PLBD2: variants seen among roughly 807,000 people sequenced by gnomAD.
PLBD2 encodes putative aminopeptidase PLBD2.
PLBD2 carries 51 observed loss-of-function variants against 68.3 expected under a neutral mutation model. The ratio of observed to expected loss-of-function variants is 0.75; its 90% CI spans 0.60 to 0.94. The LOEUF (loss-of-function observed/expected upper bound fraction) is 0.94, where lower values mean the gene tolerates loss of function less well. Ranked by LOEUF, PLBD2 falls within the 40% of genes least tolerant of loss-of-function variation. The pLI is 0.00. For synonymous variants in PLBD2, 314 were observed against 339.3 expected, an observed-to-expected ratio of 0.93 and a Z score of 0.82; for missense variants, 729 against 792.2, an observed-to-expected ratio of 0.92 and a Z score of 0.96.
At chr12:113,382,767 A>G (rs1957503435) in intron 6 of PLBD2, among the ~76,000 whole-genome samples, 2 of 149,510 alleles carry the variant, frequency 1.3e-5, no homozygotes, top group Non-Finnish European at 3.0e-5. Flanking sequence ...AAAAAATCAC[A>G]TTTATGGATA....
chr12:113,388,315 C>T (rs1222797404), intron 11 of PLBD2, 144 bp from the exon 12 acceptor site: 2 of 801,252 alleles, frequency 2.5e-6, no homozygotes, highest in Non-Finnish European at 3.7e-6. Flanking sequence ...GCACTCCAAC[C>T]TGGGTGACAG....
At chr12:113,364,086 G>A (rs901054902) in intron 1 of PLBD2, among the ~76,000 whole-genome samples, 2 of 152,234 alleles carry the variant, frequency 1.3e-5, no homozygotes, top group Admixed American at 6.5e-5. Context: ...GGGAAGGCCC[G>A]TCTTTTCTGG....
chr12:113,359,870 T>A (rs1957274322), intron 1 of PLBD2, among the ~76,000 whole-genome samples: 1 of 152,184 alleles, frequency 6.6e-6, no homozygotes, highest in Non-Finnish European at 1.5e-5. Flanking sequence ...GCCCAGACGC[T>A]GGATCAGGCT....
Position 113,385,205 on chromosome 12 carries a change from G to C in PLBD2, c.1215-7G>C, listed in dbSNP as rs372103897. 5 of 1,614,074 alleles carry C rather than the reference G, an allele frequency of 3.1e-6. No homozygotes were observed. The highest frequency in any genetic ancestry group is 3.4e-6 in the Non-Finnish European group (4 of 1,179,954). On this transcript the variant is annotated splice_region_variant and splice_polypyrimidine_tract_variant and intron_variant, in intron 8 of 11. Coordinates refer to ENST00000280800, the MANE Select transcript of PLBD2 (RefSeq NM_173542.4). The stretch of plus-strand genomic sequence containing the variant: ...CACCTCCACCCCATCTCTCTTCTCG[G>C]TCTCAGCGGCATGGTGGTGGTGGCT...
chr12:113,374,189 G>A (rs115221722), intron 3 of PLBD2, among the ~76,000 whole-genome samples: 1,852 of 152,292 alleles, frequency 0.012, 43 homozygotes, highest in African/African-American at 0.041. Context: ...GCCAGGCTGG[G>A]AGGCGTCCTA....
intron 1 of PLBD2, among the ~76,000 whole-genome samples, chr12:113,362,223 C>T (rs985620361): frequency 6.6e-6 from 1 of 151,984 alleles, no homozygotes; most frequent in Non-Finnish European, 1.5e-5. Context: ...GTTGCGCATG[C>T]CTGTGGTCCC....
intron 9 of PLBD2, among the ~76,000 whole-genome samples, chr12:113,386,077 T>G (rs1957549095): frequency 6.6e-6 from 1 of 151,750 alleles, no homozygotes. Context: ...TGCCATGCCT[T>G]TTGGGCCCCA....
intron 9 of PLBD2, 64 bp downstream of exon 9, chr12:113,385,347 C>T: frequency 7.0e-7 from 1 of 1,432,488 alleles, no homozygotes; most frequent in South Asian, 1.2e-5. Flanking sequence ...CCTTGCCCAG[C>T]TCCTTCCTAG....
At chr12:113,380,175 C>T (rs535181084) in intron 5 of PLBD2, among the ~76,000 whole-genome samples, 10 of 152,008 alleles carry the variant, frequency 6.6e-5, no homozygotes, top group Non-Finnish European at 1.5e-4. Context: ...CTCACTCTGT[C>T]GCCCAGGCTG....
chr12:113,366,857 T>C (rs972715327), intron 1 of PLBD2, among the ~76,000 whole-genome samples: 9 of 148,738 alleles, frequency 6.1e-5, no homozygotes, highest in Non-Finnish European at 6.0e-5. Flanking sequence ...AGTCATGCTC[T>C]GTCACCCAGG....
intron 5 of PLBD2, 89 bp downstream of exon 5, chr12:113,375,096 C>A: frequency 2.5e-6 from 3 of 1,189,088 alleles, no homozygotes; most frequent in East Asian, 2.5e-5. Flanking sequence ...CCTTGGAAAC[C>A]CTCCCAACAC....
intron 1 of PLBD2, among the ~76,000 whole-genome samples, chr12:113,362,791 A>ATT (rs112639164): frequency 8.9e-5 from 13 of 145,814 alleles, no homozygotes; most frequent in South Asian, 6.6e-4. Flanking sequence ...CTTTTGATTT[A>ATT]TTTTTTTTTT....
At chr12:113,375,648 G>A (rs192552623) in intron 5 of PLBD2, among the ~76,000 whole-genome samples, 3 of 152,280 alleles carry the variant, frequency 2.0e-5, no homozygotes, top group Admixed American at 1.3e-4. Flanking sequence ...TGATGCATCA[G>A]CAGTCTGCTG....
At position 113,372,819 on chromosome 12, in the gene PLBD2, T is replaced by C. The variant is rs771155518; in HGVS notation, c.543+12T>C. ...CTTACTGGCACCAGGTGAGTCCTGCTGCCACGCTTGGTGGGAGGGGGCTTC... is the reference window on the plus strand; with the variant it reads ...CTTACTGGCACCAGGTGAGTCCTGCCGCCACGCTTGGTGGGAGGGGGCTTC... On this transcript the variant is annotated intron_variant, in intron 3 of 11. Transcript: ENST00000280800. This position sits in a 1 kb window ranked among gnomAD's most constrained non-coding sequence, Gnocchi z 4.2. 1 of 1,609,264 alleles carries C rather than the reference T, an allele frequency of 6.2e-7. No homozygotes were observed. Among genetic ancestry groups the C allele is most frequent in the Non-Finnish European group, 8.5e-7 (1 of 1,177,890 alleles).
chr12:113,360,464 T>G (rs577530838), intron 1 of PLBD2, among the ~76,000 whole-genome samples: 2 of 152,284 alleles, frequency 1.3e-5, no homozygotes, highest in African/African-American at 4.8e-5. Flanking sequence ...CTCTTGACTA[T>G]GGTAAACATG....
At chr12:113,363,917 T>C (rs1957318856) in intron 1 of PLBD2, among the ~76,000 whole-genome samples, 1 of 152,244 alleles carries the variant, frequency 6.6e-6, no homozygotes, top group African/African-American at 2.4e-5. Context: ...GAGGCATATG[T>C]GGTGTGTGAT....
intron 1 of PLBD2, among the ~76,000 whole-genome samples, chr12:113,362,870 C>T (rs927898820): frequency 6.6e-6 from 1 of 151,682 alleles, no homozygotes; most frequent in Admixed American, 6.6e-5. Flanking sequence ...TTGCAACCTC[C>T]GCCTCCTGGG....
intron 1 of PLBD2, chr12:113,359,347 G>C (rs998183843): frequency 1.3e-5 from 2 of 155,578 alleles, no homozygotes; most frequent in African/African-American, 4.8e-5. Flanking sequence ...GCTGTGGCTT[G>C]CTCGTGGGTG....
In PLBD2 at chr12:113,371,312, C is replaced by G. The variant is rs117908797; in HGVS notation, c.385-1337C>G. 3.1e-4 allele frequency among the ~76,000 whole-genome samples: 47 copies of G among 152,318 alleles called. 2 individuals are homozygous for G. In the South Asian group the frequency reaches 9.3e-3, roughly 30 times the overall value. On this transcript the variant is annotated intron_variant, in intron 2 of 11. Coordinates refer to ENST00000280800, the MANE Select transcript of PLBD2 (RefSeq NM_173542.4). ...GTGGGAGTCCTTAAAACACCATGGG[C>G]AGGTGAATGGCTGACCAGGTGGAGG...
Sources: allele counts gnomAD v4.1 joint callset (sites outside exome capture counted in the v4.1 genomes callset), GRCh38; gene constraint gnomAD v4.1.1; non-coding constraint Gnocchi (gnomAD v3.1); transcripts MANE v1.5; gene names NCBI Gene and HGNC (gene_info 2026-07-23, HGNC 2026-07-21).